AGMO: variants seen among roughly 807,000 people sequenced by gnomAD.
AGMO encodes alkylglycerol monooxygenase.
AGMO carries 75 observed loss-of-function variants against 60.2 expected under a neutral mutation model. The ratio of observed to expected loss-of-function variants is 1.25; its 90% CI spans 1.03 to 1.51. AGMO has a LOEUF of 1.51. AGMO is among the 40% of genes most tolerant of loss of function. The pLI is 0.00. For missense variants in AGMO, 763 were observed against 525.5 expected (o/e 1.45, Z -4.42); for synonymous variants, 261 against 177.1 (o/e 1.47, Z -3.76).
At chr7:15,352,981 C>T (rs1218045333) in intron 12 of AGMO, among the ~76,000 whole-genome samples, 2 of 152,018 alleles carry the variant, frequency 1.3e-5, no homozygotes, top group Non-Finnish European at 2.9e-5. Context: ...TGGGGAGTGT[C>T]GGATGCGCAG....
rs535893855 is a variant in AGMO, at chr7:15,205,431, T to C, written c.1264-4072A>G. On this transcript the variant is annotated intron_variant, in intron 12 of 12. Transcript: ENST00000342526. ...GCTAATTTTTTTGGTCTCCCAAACA[T>C]GTATTTATGTCACAAAGATTAAAAT... 6.6e-5 allele frequency among the ~76,000 whole-genome samples: 10 copies of C among 152,304 alleles called. No homozygotes were observed. In the East Asian group the frequency reaches 1.7e-3, roughly 26 times the overall value.
At chr7:15,237,372 A>G (rs571311188) in intron 12 of AGMO, among the ~76,000 whole-genome samples, 82 of 152,112 alleles carry the variant, frequency 5.4e-4, no homozygotes, top group Non-Finnish European at 1.0e-3. Flanking sequence ...TCTTTTCTTT[A>G]TATTTCCTGT....
At chr7:15,252,689 T>C (rs1413346174) in intron 12 of AGMO, among the ~76,000 whole-genome samples, 1 of 152,180 alleles carries the variant, frequency 6.6e-6, no homozygotes, top group Non-Finnish European at 1.5e-5. Flanking sequence ...AAAGCTATGG[T>C]GATAACTGTC....
chr7:15,268,495 T>A (rs1395260172), intron 12 of AGMO, among the ~76,000 whole-genome samples: 2 of 152,030 alleles, frequency 1.3e-5, no homozygotes, highest in Non-Finnish European at 2.9e-5. Flanking sequence ...CATATGGTCA[T>A]GCAATTATAT....
chr7:15,125,888 T>C, the AGMO span, among the ~76,000 whole-genome samples: 33 of 152,250 alleles, frequency 2.2e-4, no homozygotes, highest in African/African-American at 7.9e-4. Flanking sequence ...TAGAGAAATA[T>C]CTCCTACATT....
chr7:15,499,802 G>A (rs868186047), intron 3 of AGMO, among the ~76,000 whole-genome samples: 1 of 151,556 alleles, frequency 6.6e-6, no homozygotes, highest in South Asian at 2.1e-4. Context: ...CTGTAAAAGA[G>A]ATTAAAATGT....
intron 10 of AGMO, among the ~76,000 whole-genome samples, chr7:15,384,977 G>C (rs1445769522): frequency 6.6e-6 from 1 of 151,504 alleles, no homozygotes; most frequent in Non-Finnish European, 1.5e-5. Context: ...TCTTCTATTT[G>C]CACCAGACAA....
At chr7:15,465,277 T>G (rs1419901062) in intron 3 of AGMO, among the ~76,000 whole-genome samples, 1 of 151,844 alleles carries the variant, frequency 6.6e-6, no homozygotes, top group Non-Finnish European at 1.5e-5. Flanking sequence ...AGAAACACAC[T>G]TTCCTTGAAT....
chr7:15,328,207 C>T (rs1781404196), intron 12 of AGMO, among the ~76,000 whole-genome samples: 1 of 152,080 alleles, frequency 6.6e-6, no homozygotes, highest in Admixed American at 6.6e-5. Context: ...AAGTGATTCT[C>T]CTGCCTCAGC....
the AGMO span, among the ~76,000 whole-genome samples, chr7:15,140,067 T>C: frequency 6.6e-6 from 1 of 150,874 alleles, no homozygotes; most frequent in Non-Finnish European, 1.5e-5. Context: ...ATATATTAAC[T>C]ATAGGAAATA....
chr7:15,223,721 C>T (rs1033950653), intron 12 of AGMO, among the ~76,000 whole-genome samples: 2 of 151,904 alleles, frequency 1.3e-5, no homozygotes, highest in Admixed American at 1.3e-4. Context: ...CTCTGAAGTA[C>T]ATAATTTTTC....
chr7:15,201,252 C>T lies in AGMO; in HGVS notation c.*33G>A. ...AGTCATAATATGCGTGTGGACAACT[C>T]ATTAAAAGAAGAGAATTATGTACAA... is the stretch of plus-strand genomic sequence containing the variant. On this transcript the variant is annotated 3_prime_UTR_variant, in exon 13 of 13. Coordinates refer to ENST00000342526, the MANE Select transcript of AGMO (RefSeq NM_001004320.2). The T allele has an allele frequency of 6.7e-7, 1 of 1,492,786 alleles. No homozygotes were observed. The highest frequency in any genetic ancestry group is 9.2e-7 in the Non-Finnish European group (1 of 1,082,466). The allele number at this position is 1,492,786 out of a possible 1,614,324, so 92.5% of individuals were successfully genotyped here.
At chr7:15,345,269 C>T (rs1448986626) in intron 12 of AGMO, among the ~76,000 whole-genome samples, 2 of 152,114 alleles carry the variant, frequency 1.3e-5, no homozygotes, top group Admixed American at 6.6e-5. Context: ...TGCTGTTCTT[C>T]CCATTTTATG....
chr7:15,483,298 T>C (rs1016905712), intron 3 of AGMO, among the ~76,000 whole-genome samples: 2 of 152,130 alleles, frequency 1.3e-5, no homozygotes, highest in Non-Finnish European at 2.9e-5. Flanking sequence ...ATAAAAAACA[T>C]TAAATTGCCT....
chr7:15,243,552 T>C (rs374315995), intron 12 of AGMO, among the ~76,000 whole-genome samples: 1 of 152,152 alleles, frequency 6.6e-6, no homozygotes, highest in Non-Finnish European at 1.5e-5. Flanking sequence ...TGAGATGAGT[T>C]TGCATGATCG....
At chr7:15,156,529 G>C in the AGMO span, among the ~76,000 whole-genome samples, 4 of 152,186 alleles carry the variant, frequency 2.6e-5, no homozygotes, top group African/African-American at 4.8e-5. Flanking sequence ...CAACTCCCCA[G>C]ACAGTTCTTG....
intron 12 of AGMO, among the ~76,000 whole-genome samples, chr7:15,282,888 A>G (rs1583361070): frequency 6.6e-6 from 1 of 152,328 alleles, no homozygotes; most frequent in Middle Eastern, 3.4e-3. Flanking sequence ...CTAACAGCAG[A>G]CTTCTCAGCA....
chr7:15,432,349 T>TATATACAC (rs1562504393), intron 3 of AGMO, among the ~76,000 whole-genome samples: 5 of 115,730 alleles, frequency 4.3e-5, no homozygotes, highest in Non-Finnish European at 9.1e-5. Flanking sequence ...TATATATACA[T>TATATACAC]ACATATATAT....
intron 3 of AGMO, among the ~76,000 whole-genome samples, chr7:15,540,749 T>C (rs1784603551): frequency 6.6e-6 from 1 of 152,240 alleles, no homozygotes; most frequent in South Asian, 2.1e-4. Flanking sequence ...TTGTATTGTT[T>C]TTCTAAATTT....
Sources: gnomAD v4.1 joint callset for allele counts (sites outside exome capture counted in the v4.1 genomes callset) on GRCh38, gnomAD v4.1.1 for gene constraint, MANE v1.5 for transcripts, NCBI Gene and HGNC (gene_info 2026-07-23, HGNC 2026-07-21) for gene names.